The following NDFIP2 variants were observed in gnomAD, a reference collection of about 807,000 sequenced individuals.
The protein encoded by NDFIP2 is Nedd4 family interacting protein 2, also known as NEDD4 family-interacting protein 2.
NDFIP2 carries 19 observed loss-of-function variants against 36.0 expected under a neutral mutation model. The observed-to-expected ratio is 0.53, with a 90% CI of 0.37 to 0.77. The LOEUF is 0.77. NDFIP2 is among the 30% of genes least tolerant of loss of function. The pLI is 0.00. For missense variants in NDFIP2, 446 were observed against 435.8 expected (o/e 1.02, Z -0.21); for synonymous variants, 181 against 167.7 (o/e 1.08, Z -0.61).
At position 79,507,267 on chromosome 13, in the gene NDFIP2, GT is replaced by G. The variant is rs1317436634; in HGVS notation, c.322-13519del. Among the ~76,000 whole-genome samples, 6 of 47,084 alleles carry G rather than the reference GT, an allele frequency of 1.3e-4. No homozygotes were observed. The South Asian group carries it at 1.8e-3, about 14-fold the overall frequency. The allele number at this position is 47,084 out of a possible 152,430, so 30.9% of individuals were successfully genotyped here. ...TTTCTGTGTTTTTTGTTCTGATTGAGTTTTTTTTTTTTTTTTTTTTTTTTGA... is the reference window on the plus strand; with the variant it reads ...TTTCTGTGTTTTTTGTTCTGATTGAGTTTTTTTTTTTTTTTTTTTTTTTGA... On this transcript the variant is annotated intron_variant, in intron 1 of 7. Coordinates refer to ENST00000218652, the MANE Select transcript of NDFIP2 (RefSeq NM_019080.3).
chr13:79,504,908 T>A (rs1000641854), intron 1 of NDFIP2, among the ~76,000 whole-genome samples: 1 of 152,240 alleles, frequency 6.6e-6, no homozygotes, highest in African/African-American at 2.4e-5. Flanking sequence ...TGTTTTATTC[T>A]ATGAGTTATA....
At chr13:79,551,388 C>T (rs981888568) in intron 7 of NDFIP2, among the ~76,000 whole-genome samples, 1 of 151,268 alleles carries the variant, frequency 6.6e-6, no homozygotes, top group Non-Finnish European at 1.5e-5. Context: ...ACTTTTAAAA[C>T]TTCTCTTTAA....
chr13:79,539,871 T>C, intron 4 of NDFIP2, 96 bp downstream of exon 4: 1 of 919,740 alleles, frequency 1.1e-6, no homozygotes, highest in South Asian at 1.4e-5. Context: ...ATTGTTAGCA[T>C]ATGTCTACCT....
intron 2 of NDFIP2, among the ~76,000 whole-genome samples, chr13:79,523,843 C>T (rs1392539343): frequency 6.6e-6 from 1 of 152,158 alleles, no homozygotes; most frequent in East Asian, 1.9e-4. Flanking sequence ...GACTGCAAAA[C>T]CATCACGATG....
chr13:79,497,828 GTA>G (rs1873505983), intron 1 of NDFIP2, among the ~76,000 whole-genome samples: 1 of 150,294 alleles, frequency 6.7e-6, no homozygotes, highest in Admixed American at 6.7e-5. Flanking sequence ...GTGTGTGTGT[GTA>G]TGTGTGTACT....
chr13:79,542,312 A>T (rs570148250), intron 4 of NDFIP2, among the ~76,000 whole-genome samples: 13 of 152,326 alleles, frequency 8.5e-5, no homozygotes, highest in Non-Finnish European at 1.5e-4. Context: ...AGGGAAACAG[A>T]AAGAGAAGGT....
At chr13:79,487,308 A>G (rs927292043) in intron 1 of NDFIP2, among the ~76,000 whole-genome samples, 3 of 152,188 alleles carry the variant, frequency 2.0e-5, no homozygotes, top group African/African-American at 7.2e-5. Flanking sequence ...TTCATTCAGC[A>G]TGAAGTTTTT....
chr13:79,510,911 A>G (rs1010087515), intron 1 of NDFIP2, among the ~76,000 whole-genome samples: 9 of 151,388 alleles, frequency 5.9e-5, no homozygotes, highest in African/African-American at 2.2e-4. Context: ...AGGCAGGATA[A>G]TAGCTTTAAC....
intron 2 of NDFIP2, among the ~76,000 whole-genome samples, chr13:79,532,344 G>A (rs1329246578): frequency 6.6e-6 from 1 of 152,168 alleles, no homozygotes; most frequent in Admixed American, 6.5e-5. Context: ...TAAAACTACT[G>A]TTGTTATAAT....
At chr13:79,538,651 C>T (rs910507863) in intron 3 of NDFIP2, among the ~76,000 whole-genome samples, 2 of 151,842 alleles carry the variant, frequency 1.3e-5, no homozygotes, top group Non-Finnish European at 2.9e-5. Context: ...GGTGTGATCT[C>T]GGCTCACTGC....
chr13:79,547,848 A>T (rs1875745072), intron 5 of NDFIP2, among the ~76,000 whole-genome samples: 1 of 152,170 alleles, frequency 6.6e-6, no homozygotes, highest in African/African-American at 2.4e-5. Context: ...GATTAACAGT[A>T]GGGGGTGTAC....
At chr13:79,525,489 T>C (rs1874758514) in intron 2 of NDFIP2, among the ~76,000 whole-genome samples, 1 of 152,204 alleles carries the variant, frequency 6.6e-6, no homozygotes, top group Non-Finnish European at 1.5e-5. Flanking sequence ...ATGGCTCTCT[T>C]TGGCATATCT....
chr13:79,481,383 C>T lies in NDFIP2; in HGVS notation c.180C>T (p.Gly60=), dbSNP rs1378073462. The change falls in exon 1 of 8, where the codon GGC becomes GGT. Residue 60 remains glycine, a synonymous_variant. Coordinates refer to ENST00000218652, the MANE Select transcript of NDFIP2 (RefSeq NM_019080.3). Reference sequence around the variant, plus strand: ...GAGACCGCGGCTGCAGGAACGGAGGCGGAAGGGGCCCTGCGGCGACGACGT... The same window carrying T: ...GAGACCGCGGCTGCAGGAACGGAGGTGGAAGGGGCCCTGCGGCGACGACGT... The part of the protein sequence containing the change: ...PPGDRGCRNG[G]GRGPAATTSS... 1 of 1,554,882 alleles carries T rather than the reference C, an allele frequency of 6.4e-7. No homozygotes were observed. The highest frequency in any genetic ancestry group is 8.7e-7 in the Non-Finnish European group (1 of 1,149,288).
At chr13:79,512,677 A>C (rs1017234136) in intron 1 of NDFIP2, among the ~76,000 whole-genome samples, 1 of 152,164 alleles carries the variant, frequency 6.6e-6, no homozygotes, top group African/African-American at 2.4e-5. Flanking sequence ...TGGGCCAATG[A>C]ACCCTTTTTT....
chr13:79,513,116 CAGG>C (rs1566659410), intron 1 of NDFIP2, among the ~76,000 whole-genome samples: 1 of 152,094 alleles, frequency 6.6e-6, no homozygotes, highest in Non-Finnish European at 1.5e-5. Flanking sequence ...GTATCCTGCC[CAGG>C]AGGAGAGCCA....
At position 79,533,415 on chromosome 13, in the gene NDFIP2, G is replaced by T; in HGVS notation, c.580G>T (p.Ala194Ser). ...PTYDEAEKAK[A>S]AAMAAAAAET... ...ATACGATGAAGCTGAGAAGGCTAAA[G>T]CTGCTGCAATGGCAGCTGCAGCAGC... The change falls in exon 3 of 8, where the codon GCT (alanine) becomes TCT (serine). Residue 194 changes from alanine (A) to serine (S), a missense_variant. Transcript: ENST00000218652. 1.9e-6 allele frequency: 3 copies of T among 1,611,036 alleles called. No homozygotes were observed. The highest frequency in any genetic ancestry group is 2.5e-6 in the Non-Finnish European group (3 of 1,178,472).
chr13:79,520,709 T>A, intron 1 of NDFIP2, 101 bp from the exon 2 acceptor site: 1 of 1,114,388 alleles, frequency 9.0e-7, no homozygotes, highest in East Asian at 2.7e-5. Context: ...TCTTTGTGTT[T>A]GGCCAAAAAG....
chr13:79,550,895 G>A, intron 6 of NDFIP2, 122 bp from the exon 7 acceptor site: 1 of 556,082 alleles, frequency 1.8e-6, no homozygotes, highest in East Asian at 2.9e-5. Flanking sequence ...AGAAATGAAT[G>A]GAAGTCTGCA....
intron 1 of NDFIP2, among the ~76,000 whole-genome samples, chr13:79,511,498 C>T (rs557866071): frequency 1.3e-5 from 2 of 152,228 alleles, no homozygotes; most frequent in Admixed American, 1.3e-4. Flanking sequence ...ATTATGGTGA[C>T]TGCCTCGTAA....
Sources: gnomAD v4.1 joint callset for allele counts (sites outside exome capture counted in the v4.1 genomes callset) on GRCh38, gnomAD v4.1.1 for gene constraint, MANE v1.5 for transcripts, NCBI Gene and HGNC (gene_info 2026-07-23, HGNC 2026-07-21) for gene names.